Variants in COG7 observed in about 807,000 individuals in gnomAD.
The protein encoded by COG7 is component of oligomeric golgi complex 7.
Under a neutral mutation model 91.5 loss-of-function variants are expected in COG7, and 49 were observed. The observed-to-expected ratio is 0.54, with a 90% CI of 0.43 to 0.68. The LOEUF is 0.68. Among genes scored for constraint, COG7 ranks in the 30% least tolerant of loss-of-function variants. The probability of loss-of-function intolerance (pLI) is 0.00; values close to 1 mark genes in which losing one functional copy is unlikely to be tolerated. For synonymous variants in COG7, 365 were observed against 388.7 expected, an observed-to-expected ratio of 0.94 and a Z score of 0.72; for missense variants, 895 against 961.3, an observed-to-expected ratio of 0.93 and a Z score of 0.91.
At chr16:23,416,599 C>T (rs752851448) in intron 9 of COG7, 14 of 321,480 alleles carry the variant, frequency 4.4e-5, no homozygotes, top group Non-Finnish European at 7.8e-5. Flanking sequence ...TCCCAAAGTA[C>T]TGGGATTACA....
chr16:23,402,995 A>G (rs1567330874), intron 13 of COG7, among the ~76,000 whole-genome samples: 1 of 152,228 alleles, frequency 6.6e-6, no homozygotes, highest in Non-Finnish European at 1.5e-5. Context: ...AAAGGCCCAT[A>G]ACTGGAATCC....
chr16:23,441,038 A>C (rs1964092604), intron 4 of COG7, among the ~76,000 whole-genome samples: 2 of 152,174 alleles, frequency 1.3e-5, no homozygotes, highest in African/African-American at 2.4e-5. Context: ...TGATGTTCTC[A>C]AAGACAGAAA....
At chr16:23,433,724 A>T (rs969924364) in intron 5 of COG7, 57 bp from the exon 6 acceptor site, 137 of 1,606,930 alleles carry the variant, frequency 8.5e-5, no homozygotes, top group Admixed American at 2.7e-4. Flanking sequence ...GTTGCCTGTG[A>T]ACACTGCCCT....
rs753631078 is a variant in COG7, at chr16:23,424,886, A to G, written c.872T>C (p.Met291Thr). ...VLLIQTLGAL[M>T]PSLPSCLSNG... is the part of the protein sequence containing the mutation. The stretch of plus-strand genomic sequence containing the variant: ...GCTGAGGCAGGAGGGCAGCGAGGGC[A>G]TGAGGGCCCCCAGGGTCTGAATCAG... The change falls in exon 7 of 17, where the codon ATG (methionine) becomes ACG (threonine). Residue 291 changes from methionine (M) to threonine (T), a missense_variant. Coordinates refer to ENST00000307149, the MANE Select transcript of COG7 (RefSeq NM_153603.4). 6.2e-7 allele frequency: 1 copy of G among 1,614,162 alleles called. No individual in the cohort carries two copies. The highest frequency in any genetic ancestry group is 1.1e-5 in the South Asian group (1 of 91,068).
At chr16:23,393,718 G>A (rs1963237919) in intron 14 of COG7, 2 of 271,514 alleles carry the variant, frequency 7.4e-6, no homozygotes, top group South Asian at 3.8e-5. Flanking sequence ...ACTAGTGTCA[G>A]AATGTGTGGG....
intron 4 of COG7, among the ~76,000 whole-genome samples, chr16:23,438,691 A>G (rs780532340): frequency 8.5e-5 from 13 of 152,106 alleles, no homozygotes; most frequent in East Asian, 1.9e-4. Flanking sequence ...AATCAAAACC[A>G]TAAGATACCA....
At chr16:23,419,132 G>A (rs953766205) in intron 7 of COG7, among the ~76,000 whole-genome samples, 1 of 152,206 alleles carries the variant, frequency 6.6e-6, no homozygotes, top group African/African-American at 2.4e-5. Context: ...TTGGCCGGGC[G>A]TGGTGGCTCA....
intron 7 of COG7, among the ~76,000 whole-genome samples, chr16:23,420,861 A>C (rs1288109271): frequency 6.6e-6 from 1 of 150,602 alleles, no homozygotes; most frequent in Non-Finnish European, 1.5e-5. Context: ...TCCCCACCCC[A>C]GCCTCCTGAG....
intron 13 of COG7, among the ~76,000 whole-genome samples, chr16:23,400,618 G>A (rs1259305255): frequency 6.6e-6 from 1 of 152,144 alleles, no homozygotes; most frequent in Non-Finnish European, 1.5e-5. Context: ...CAGCTGGAGT[G>A]GGAAAGAAGT....
chr16:23,428,267 T>C (rs984161059), intron 6 of COG7, among the ~76,000 whole-genome samples: 23 of 152,064 alleles, frequency 1.5e-4, no homozygotes, highest in Non-Finnish European at 2.6e-4. Context: ...GAGAATTGCT[T>C]GAACCCAGGA....
At chr16:23,434,584 G>A (rs1292197673) in intron 5 of COG7, 52 bp downstream of exon 5, 7 of 1,297,800 alleles carry the variant, frequency 5.4e-6, no homozygotes. Flanking sequence ...CTGTGACCCA[G>A]AGTTATGAGC....
intron 1 of COG7, 103 bp from the exon 2 acceptor site, chr16:23,446,064 A>T: frequency 7.2e-7 from 1 of 1,389,742 alleles, no homozygotes; most frequent in Non-Finnish European, 9.8e-7. Flanking sequence ...ATCAGACAAC[A>T]GAAAGGAAAT....
chr16:23,398,837 C>G (rs1013220866), intron 13 of COG7, among the ~76,000 whole-genome samples: 2 of 152,174 alleles, frequency 1.3e-5, no homozygotes, highest in African/African-American at 4.8e-5. Flanking sequence ...AGCACTAACA[C>G]GTGTTTCTTG....
chr16:23,449,510 G>A (rs893573542), intron 1 of COG7, among the ~76,000 whole-genome samples: 8 of 151,558 alleles, frequency 5.3e-5, no homozygotes, highest in Middle Eastern at 3.4e-3. Flanking sequence ...TTGGGAGGCC[G>A]AGGCAGGCAG....
At chr16:23,422,724 C>T (rs1396045307) in intron 7 of COG7, among the ~76,000 whole-genome samples, 3 of 151,848 alleles carry the variant, frequency 2.0e-5, no homozygotes, top group African/African-American at 7.3e-5. Flanking sequence ...AACTAAAACT[C>T]TTTTGGAAAA....
At chr16:23,399,224 G>C (rs368252940) in intron 13 of COG7, among the ~76,000 whole-genome samples, 2 of 152,038 alleles carry the variant, frequency 1.3e-5, no homozygotes, top group Non-Finnish European at 2.9e-5. Flanking sequence ...CACTTGATTC[G>C]GTCTTATTTT....
chr16:23,452,924 C>T lies in COG7; in HGVS notation c.71G>A (p.Gly24Asp). Residue 24 changes from glycine (G) to aspartate (D), a missense_variant, in exon 1 of 17, where the codon GGC (glycine) becomes GAC (aspartate). Physicochemically the swap from Gly to Asp is moderately conservative, Grantham distance 94. Transcript: ENST00000307149. ...KEWINAAFRA[G>D]SKEAASGKAD... Reference sequence around the variant, plus strand: ...CTTCCCGGACGCCGCCTCCTTGGAGCCGGCCCTGAAGGCCGCATTGATCCA... The same window carrying T: ...CTTCCCGGACGCCGCCTCCTTGGAGTCGGCCCTGAAGGCCGCATTGATCCA... 2 of 1,614,082 alleles carry T rather than the reference C, an allele frequency of 1.2e-6. No homozygotes were observed. The highest frequency in any genetic ancestry group is 1.7e-6 in the Non-Finnish European group (2 of 1,179,986).
At chr16:23,393,728 G>C (rs1963238228) in intron 14 of COG7, 1 of 265,728 alleles carries the variant, frequency 3.8e-6, no homozygotes, top group Non-Finnish European at 7.4e-6. Flanking sequence ...GAATGTGTGG[G>C]GCCAAGCAAG....
At chr16:23,427,427 T>C (rs559639952) in intron 6 of COG7, among the ~76,000 whole-genome samples, 2 of 151,262 alleles carry the variant, frequency 1.3e-5, no homozygotes, top group Non-Finnish European at 1.5e-5. Flanking sequence ...TGAGCTGAGA[T>C]AGCGCCACTG....
Sources: allele counts gnomAD v4.1 joint callset (sites outside exome capture counted in the v4.1 genomes callset), GRCh38; gene constraint gnomAD v4.1.1; transcripts MANE v1.5; gene names NCBI Gene and HGNC (gene_info 2026-07-23, HGNC 2026-07-21).